The following SCN7A variants were observed in gnomAD, a reference collection of about 807,000 sequenced individuals.
SCN7A encodes the protein sodium voltage-gated channel alpha subunit 7.
SCN7A carries 138 observed loss-of-function variants against 155.2 expected under a neutral mutation model. That is an observed-to-expected ratio of 0.89 (90% CI 0.77 to 1.02). The LOEUF (loss-of-function observed/expected upper bound fraction) is 1.02. Ranked by LOEUF, SCN7A falls within the 50% of genes least tolerant of loss-of-function variation. The pLI, the probability that SCN7A is intolerant of heterozygous loss-of-function variation, is 0.00. For missense variants in SCN7A, 2,058 were observed against 1,986.6 expected (o/e 1.04, Z -0.68); for synonymous variants, 693 against 649.0 (o/e 1.07, Z -1.03).
At chr2:166,481,878 A>T (rs1203199809) in intron 2 of SCN7A, among the ~76,000 whole-genome samples, 2 of 152,190 alleles carry the variant, frequency 1.3e-5, no homozygotes, top group African/African-American at 4.8e-5. Flanking sequence ...AAAAAGGATG[A>T]ACTAGAATCA....
chr2:166,477,358 C>A, intron 3 of SCN7A, 105 bp downstream of exon 3: 1 of 772,118 alleles, frequency 1.3e-6, no homozygotes, highest in Non-Finnish European at 2.0e-6. Context: ...TCAGATCTTT[C>A]CCTGTTTTTC....
chr2:166,478,311 A>G (rs142089142), intron 2 of SCN7A, among the ~76,000 whole-genome samples: 25 of 149,772 alleles, frequency 1.7e-4, no homozygotes, highest in Non-Finnish European at 3.4e-4. Flanking sequence ...AAAAATATAT[A>G]TAATATATAT....
chr2:166,436,490 C>G, intron 15 of SCN7A: 1 of 366,076 alleles, frequency 2.7e-6, no homozygotes, highest in Non-Finnish European at 5.5e-6. Context: ...AATTATCCAG[C>G]CTTGGTTACA....
At chr2:166,447,269 A>G (rs1702084396) in intron 12 of SCN7A, among the ~76,000 whole-genome samples, 1 of 152,226 alleles carries the variant, frequency 6.6e-6, no homozygotes, top group East Asian at 1.9e-4. Context: ...TCCATGATAA[A>G]TAATTATTGG....
rs75113945 is a variant in SCN7A at position 166,441,879 on chromosome 2, A to G, written c.1801-127T>C. ...TTTAGAGTTTTAAGCATTATTAACT[A>G]CTGAACATTCATTTTGTGACAAATT... On this transcript the variant is annotated intron_variant, in intron 14 of 25. Coordinates refer to ENST00000643258, the MANE Select transcript of SCN7A (RefSeq NM_002976.4). The G allele has an allele frequency of 8.6e-3, 5,650 of 655,176 alleles. 306 individuals carry two copies. The East Asian group carries it at 0.12, about 14-fold the overall frequency. The allele number at this position is 655,176 out of a possible 1,614,324, so 40.6% of individuals were successfully genotyped here.
At chr2:166,483,651 T>C (rs1024848779) in intron 2 of SCN7A, among the ~76,000 whole-genome samples, 2 of 151,868 alleles carry the variant, frequency 1.3e-5, no homozygotes, top group South Asian at 4.1e-4. Context: ...TTATCTTTAA[T>C]AATTTAAAAT....
chr2:166,413,471 C>G (rs1286168157), intron 21 of SCN7A, among the ~76,000 whole-genome samples: 2 of 152,080 alleles, frequency 1.3e-5, no homozygotes, highest in Admixed American at 6.6e-5. Context: ...AATTGTTCAA[C>G]TCTTCACATC....
At chr2:166,413,623 T>C (rs1421799010) in intron 21 of SCN7A, among the ~76,000 whole-genome samples, 1 of 152,044 alleles carries the variant, frequency 6.6e-6, no homozygotes. Context: ...ATGCAAAGTA[T>C]TGATCCTGGG....
intron 13 of SCN7A, 133 bp from the exon 14 acceptor site, chr2:166,443,809 G>T: frequency 3.0e-6 from 2 of 659,184 alleles, no homozygotes; most frequent in South Asian, 2.1e-5. Context: ...GTCAATATCT[G>T]GTTAGTTGTA....
intron 11 of SCN7A, among the ~76,000 whole-genome samples, chr2:166,456,451 A>G (rs1702275945): frequency 6.6e-6 from 1 of 152,224 alleles, no homozygotes; most frequent in Non-Finnish European, 1.5e-5. Flanking sequence ...AAAACTGCAT[A>G]GAAAAATAAA....
intron 6 of SCN7A, 61 bp from the exon 7 acceptor site, chr2:166,470,767 C>T (rs967048319): frequency 9.9e-6 from 14 of 1,418,582 alleles, no homozygotes; most frequent in East Asian, 7.5e-5. Flanking sequence ...TTATTCTTGG[C>T]TTTTTATGGT....
intron 16 of SCN7A, among the ~76,000 whole-genome samples, chr2:166,431,364 A>G (rs1278719447): frequency 2.0e-5 from 3 of 152,106 alleles, no homozygotes; most frequent in African/African-American, 7.2e-5. Flanking sequence ...TCCTCTTAGA[A>G]GACAATTTGT....
intron 11 of SCN7A, among the ~76,000 whole-genome samples, chr2:166,449,100 C>T (rs1332885195): frequency 6.6e-6 from 1 of 152,150 alleles, no homozygotes; most frequent in African/African-American, 2.4e-5. Flanking sequence ...ACAGTTAAAA[C>T]TCCCAGGCTT....
intron 11 of SCN7A, among the ~76,000 whole-genome samples, chr2:166,450,666 C>T (rs755168386): frequency 4.6e-5 from 7 of 151,848 alleles, no homozygotes; most frequent in African/African-American, 9.7e-5. Flanking sequence ...TGTTAGGGCG[C>T]GCCTATAGTC....
At position 166,474,352 on chromosome 2, in the gene SCN7A, A is replaced by T. The variant is rs1702731856; in HGVS notation, c.235-8T>A. 1 of 1,291,204 alleles carries T rather than the reference A, an allele frequency of 7.7e-7. No individual in the cohort carries two copies. Among genetic ancestry groups the T allele is most frequent in the Non-Finnish European group, 1.1e-6 (1 of 934,908 alleles). The allele number at this position is 1,291,204 out of a possible 1,614,324, so 80.0% of individuals were successfully genotyped here. ...ATTTAATACTATGAAAGTCTGTAAG[A>T]AGAAAAGCGATCAAGTGAAATTAGA... is the stretch of plus-strand genomic sequence containing the variant. On this transcript the variant is annotated splice_region_variant and splice_polypyrimidine_tract_variant and intron_variant, in intron 3 of 25. Transcript: ENST00000643258.
chr2:166,406,171 G>T lies in SCN7A; in HGVS notation c.4458C>A (p.Ile1486=), dbSNP rs1433271961. Residue 1486 remains isoleucine, a synonymous_variant, in exon 26 of 26, where the codon ATC becomes ATA. Transcript: ENST00000643258. ...CAACAACAATGTACATATTTACAAT[G>T]ATCAGCCATGATATGAGGATATAAC... ...FVSYILISWL[I]IVNMYIVVVM... The T allele has an allele frequency of 6.2e-7, 1 of 1,612,198 alleles. No individual in the cohort carries two copies.
chr2:166,487,178 G>T (rs1703071719), intron 1 of SCN7A, among the ~76,000 whole-genome samples: 1 of 152,110 alleles, frequency 6.6e-6, no homozygotes, highest in African/African-American at 2.4e-5. Flanking sequence ...GCCTGTTGTT[G>T]AGGATTAACT....
At position 166,410,264 on chromosome 2, in the gene SCN7A, T is replaced by A; in HGVS notation, c.3667A>T (p.Lys1223Ter). 6.4e-7 allele frequency: 1 copy of A among 1,557,060 alleles called. No individual in the cohort carries two copies. The highest frequency in any genetic ancestry group is 8.7e-7 in the Non-Finnish European group (1 of 1,148,828). Residue 1223 changes from lysine (K) to a stop codon, truncating the protein, a stop_gained, in exon 24 of 26, where the codon AAG becomes TAG. Transcript: ENST00000643258. LOFTEE classifies it high-confidence loss of function. ...KQRKQYRRLK[K>*]LMYEDSQRPV... ...CTTTGAGAATCCTCATACATTAGCTTCTTCAGCCTGCGGTACTGTTTTCTC... is the reference window on the plus strand; with the variant it reads ...CTTTGAGAATCCTCATACATTAGCTACTTCAGCCTGCGGTACTGTTTTCTC...
Position 166,408,612 on chromosome 2 carries a change from T to C in SCN7A, c.3982+1053A>G, listed in dbSNP as rs145591646. ...TCCCTCTTGTCTTCATGTACTTTTC[T>C]ATCAGTTTTTCTGATAGCTTCTTCT... On this transcript the variant is annotated intron_variant, in intron 25 of 25. Coordinates refer to ENST00000643258, the MANE Select transcript of SCN7A (RefSeq NM_002976.4). 3.9e-5 allele frequency among the ~76,000 whole-genome samples: 6 copies of C among 152,132 alleles called. No individual in the cohort carries two copies. In the East Asian group the frequency reaches 1.2e-3, roughly 30 times the overall value.
Sources: gnomAD v4.1 joint callset for allele counts (sites outside exome capture counted in the v4.1 genomes callset) on GRCh38, gnomAD v4.1.1 for gene constraint, MANE v1.5 for transcripts, NCBI Gene and HGNC (gene_info 2026-07-23, HGNC 2026-07-21) for gene names.